BRME1: variants seen among roughly 807,000 people sequenced by gnomAD.
BRME1 encodes BRCA2 and MEILB2-associating protein 1.
In BRME1, 31 loss-of-function variants were observed where a neutral mutation model predicts 52.6. That is an observed-to-expected ratio of 0.59 (90% CI 0.44 to 0.80). BRME1 has a LOEUF of 0.80. Among genes scored for constraint, BRME1 ranks in the 30% least tolerant of loss-of-function variants. The probability of loss-of-function intolerance (pLI) is 0.00; values close to 1 mark genes in which losing one functional copy is unlikely to be tolerated. For synonymous variants in BRME1, 359 were observed against 353.6 expected (o/e 1.02, Z -0.17); for missense variants, 804 against 860.3 (o/e 0.93, Z 0.82).
In BRME1 at chr19:13,895,222, G is replaced by A. The variant is rs566988563; in HGVS notation, c.206+150C>T. 193 of 729,842 alleles carry A rather than the reference G, an allele frequency of 2.6e-4. 1 individual carries two copies. The African/African-American group carries it at 3.0e-3, about 11-fold the overall frequency. The allele number at this position is 729,842 out of a possible 1,614,324, so 45.2% of individuals were successfully genotyped here. Reference sequence around the variant, plus strand: ...ACCAGCGAGGAAAGCTAGGAGAAGCGAGATCCGAGGGCCCTGAGCTCTGGG... The same window carrying A: ...ACCAGCGAGGAAAGCTAGGAGAAGCAAGATCCGAGGGCCCTGAGCTCTGGG... On this transcript the variant is annotated intron_variant, in intron 3 of 8. Coordinates refer to ENST00000586783, the MANE Select transcript of BRME1 (RefSeq NM_001345843.2).
intron 2 of BRME1, among the ~76,000 whole-genome samples, chr19:13,895,936 G>T (rs1247068326): frequency 1.3e-5 from 2 of 152,202 alleles, no homozygotes; most frequent in Non-Finnish European, 2.9e-5. Context: ...CAATTGCGAT[G>T]TGTCTTCTTC....
At position 13,893,422 on chromosome 19, in the gene BRME1, C is replaced by T. The variant is rs550256234; in HGVS notation, c.207-199G>A. 1.8e-3 allele frequency among the ~76,000 whole-genome samples: 271 copies of T among 152,264 alleles called. 1 individual carries two copies. Among genetic ancestry groups the T allele is most frequent in the African/African-American group, 6.3e-3 (260 of 41,558 alleles). On this transcript the variant is annotated intron_variant, in intron 3 of 8. Transcript: ENST00000586783. ...ATGTGGTGGCGCACGCCTGTAATCCCAGCTACTTGGGAGGCTGAGGCAGAA... is the reference window on the plus strand; with the variant it reads ...ATGTGGTGGCGCACGCCTGTAATCCTAGCTACTTGGGAGGCTGAGGCAGAA...
rs1328226842 is a variant in BRME1 at position 13,888,346 on chromosome 19, C to T, written c.1668+842G>A. On this transcript the variant is annotated intron_variant, in intron 6 of 8. Coordinates refer to ENST00000586783, the MANE Select transcript of BRME1 (RefSeq NM_001345843.2). The surrounding 1 kb of genome is among the most constrained non-coding windows in gnomAD (Gnocchi z 4.1). ...CCTGGGTGCCAGCCTGGCCTCCTCC[C>T]CTCCCACCTGCCTCACCTCTAGCAG... The T allele has an allele frequency of 6.6e-6, 1 of 152,480 alleles. No individual in the cohort carries two copies. Among genetic ancestry groups the T allele is most frequent in the African/African-American group, 2.4e-5 (1 of 41,446 alleles). The allele number at this position is 152,480 out of a possible 1,614,324, so 9.4% of individuals were successfully genotyped here.
intron 2 of BRME1, among the ~76,000 whole-genome samples, chr19:13,901,562 G>A (rs1309217749): frequency 6.6e-6 from 1 of 151,892 alleles, no homozygotes; most frequent in Non-Finnish European, 1.5e-5. Flanking sequence ...TGCCAGGCAT[G>A]GTGGCAGGTA....
rs1422522548 is a variant in BRME1, at chr19:13,893,145, G to A, written c.285C>T (p.Ser95=). The A allele has an allele frequency of 3.1e-6, 5 of 1,596,030 alleles. No homozygotes were observed. The highest frequency in any genetic ancestry group is 4.3e-6 in the Non-Finnish European group (5 of 1,172,300). The change falls in exon 4 of 9, where the codon TCC becomes TCT. Residue 95 remains serine (S), a synonymous_variant. Transcript: ENST00000586783. ...CGAGGCCACAGGACGAGCTCACCTG[G>A]GAAGGAGGAAGGGGAGCTGGCTCCT... ...PEKEPAPLPP[S]QNSFGRFVPQ...
Position 13,882,968 on chromosome 19 carries a change from A to ACATGCGTGTGG in BRME1, c.1857-17_1857-16insCCACACGCATG. On this transcript the variant is annotated splice_polypyrimidine_tract_variant and intron_variant, in intron 8 of 8. Transcript: ENST00000586783. ...GATCAGCCGGCTGTGGGGGAAACAC[A>ACATGCGTGTGG]GGCATGCGTGTGGGGCTCAGTGGTC... is the stretch of plus-strand genomic sequence containing the variant. 2 of 1,609,864 alleles carry ACATGCGTGTGG rather than the reference A, an allele frequency of 1.2e-6. No individual in the cohort carries two copies. The highest frequency in any genetic ancestry group is 3.8e-4 in the Middle Eastern group (2 of 5,302).
Position 13,883,080 on chromosome 19 carries a change from A to G in BRME1, c.1857-128T>C. On this transcript the variant is annotated intron_variant, in intron 8 of 8. Transcript: ENST00000586783. This position sits in a 1 kb window ranked among gnomAD's most constrained non-coding sequence, Gnocchi z 4.2. ...CACACGGCTCACACACGTGCACATA[A>G]CCAGAAAGGGCCTGTTGTAGCACAG... is the stretch of plus-strand genomic sequence containing the variant. 1 of 1,219,340 alleles carries G rather than the reference A, an allele frequency of 8.2e-7. No individual in the cohort carries two copies. Among genetic ancestry groups the G allele is most frequent in the South Asian group, 1.4e-5 (1 of 70,636 alleles). The allele number at this position is 1,219,340 out of a possible 1,614,324, so 75.5% of individuals were successfully genotyped here.
At chr19:13,884,748 CACCCGCCCTAA>C (rs199932789) in intron 7 of BRME1, among the ~76,000 whole-genome samples, 1,567 of 152,328 alleles carry the variant, frequency 0.01, 26 homozygotes, top group African/African-American at 0.036. Context: ...AAGTGGGGGC[CACCCGCCCTAA>C]ACCCGCCCAT....
intron 7 of BRME1, among the ~76,000 whole-genome samples, chr19:13,884,546 C>T (rs1175725584): frequency 2.0e-5 from 3 of 150,406 alleles, no homozygotes; most frequent in African/African-American, 4.9e-5. Flanking sequence ...GAGAATCATG[C>T]GAGCCTGGGA....
chr19:13,883,462 G>GTGGGAGGGGCTT lies in BRME1; in HGVS notation c.1764-74_1764-63dup. On this transcript the variant is annotated intron_variant, in intron 7 of 8. Coordinates refer to ENST00000586783, the MANE Select transcript of BRME1 (RefSeq NM_001345843.2). This position sits in a 1 kb window ranked among gnomAD's most constrained non-coding sequence, Gnocchi z 4.2. Reference sequence around the variant, plus strand: ...CTCACTGGACTACCAGAGCTCTCCAGTGGGAGGGGCTTCCGCAGGGCCTCG... The same window carrying GTGGGAGGGGCTT: ...CTCACTGGACTACCAGAGCTCTCCAGTGGGAGGGGCTTTGGGAGGGGCTTCCGCAGGGCCTCG... 7.8e-7 allele frequency: 1 copy of GTGGGAGGGGCTT among 1,278,312 alleles called. No homozygotes were observed. Among genetic ancestry groups the GTGGGAGGGGCTT allele is most frequent in the Non-Finnish European group, 1.1e-6 (1 of 914,818 alleles). The allele number at this position is 1,278,312 out of a possible 1,614,324, so 79.2% of individuals were successfully genotyped here.
In BRME1 at chr19:13,882,797, G is replaced by A. The variant is rs762026326; in HGVS notation, c.*5C>T. 3 of 1,613,534 alleles carry A rather than the reference G, an allele frequency of 1.9e-6. No individual in the cohort carries two copies. In the African/African-American group the frequency reaches 4.0e-5, roughly 22 times the overall value. ...TGGCAAAGGAAACACAGACCTCAAA[G>A]TGGCCTACAACTCCCTCCAGGGTGG... On this transcript the variant is annotated 3_prime_UTR_variant, in exon 9 of 9. Transcript: ENST00000586783.
chr19:13,893,741 A>T (rs1034625644), intron 3 of BRME1, among the ~76,000 whole-genome samples: 6 of 151,702 alleles, frequency 4.0e-5, no homozygotes, highest in African/African-American at 1.5e-4. Flanking sequence ...ACATAGTGAG[A>T]CCCCTTTTCT....
Position 13,892,884 on chromosome 19 carries a change from A to G in BRME1, c.295T>C (p.Phe99Leu). Residue 99 changes from phenylalanine (F) to leucine (L), a missense_variant, in exon 5 of 9, where the codon TTC becomes CTC. By Grantham distance (22) the Phe-to-Leu change is conservative. Around this residue, in one of 3 missense-constraint regions of BRME1, gnomAD observed 234 missense variants for 258.1 expected, o/e 0.91. Transcript: ENST00000586783. Reference sequence around the variant, plus strand: ...GCAAACTGGGGAACAAACCTCCCGAATGAGTTCTGTAAACCGGATACAAGA... The same window carrying G: ...GCAAACTGGGGAACAAACCTCCCGAGTGAGTTCTGTAAACCGGATACAAGA... ...PAPLPPSQNS[F>L]GRFVPQFAKS... 6.2e-7 allele frequency: 1 copy of G among 1,612,944 alleles called. No homozygotes were observed.
At position 13,883,470 on chromosome 19, in the gene BRME1, G is replaced by T; in HGVS notation, c.1764-70C>A. 1 of 1,151,060 alleles carries T rather than the reference G, an allele frequency of 8.7e-7. No homozygotes were observed. Among genetic ancestry groups the T allele is most frequent in the Non-Finnish European group, 1.3e-6 (1 of 799,550 alleles). 71.3% of individuals were successfully genotyped at this position (1,151,060 alleles called of 1,614,324 possible). On this transcript the variant is annotated intron_variant, in intron 7 of 8. Transcript: ENST00000586783. The surrounding 1 kb of genome is among the most constrained non-coding windows in gnomAD (Gnocchi z 4.2). The stretch of plus-strand genomic sequence containing the variant: ...ACTACCAGAGCTCTCCAGTGGGAGG[G>T]GCTTCCGCAGGGCCTCGCGCCATCT...
chr19:13,905,000 C>T, intron 1 of BRME1, 87 bp from the exon 2 acceptor site: 1 of 1,083,802 alleles, frequency 9.2e-7, no homozygotes, highest in Non-Finnish European at 1.4e-6. Context: ...AGAGGTTACC[C>T]CTACCTCCAC....
chr19:13,889,875 G>A lies in BRME1; in HGVS notation c.981C>T (p.Ser327=), dbSNP rs374981530. ...TCCCGAGGGAGGAGCATCCCAGGCT[G>A]CTATGAGTCCCTTCCCCTTCCCTAC... ...RMGREGEGTH[S]SLGCSSLGMV... The change falls in exon 6 of 9, where the codon AGC becomes AGT. Residue 327 remains serine, a synonymous_variant. Transcript: ENST00000586783. 8.1e-6 allele frequency: 13 copies of A among 1,613,206 alleles called. No homozygotes were observed. Among genetic ancestry groups the A allele is most frequent in the Non-Finnish European group, 1.1e-5 (13 of 1,179,978 alleles).
rs770020516 is a variant in BRME1 at position 13,890,296 on chromosome 19, C to T, written c.560G>A (p.Gly187Glu). The T allele has an allele frequency of 6.2e-7, 1 of 1,610,950 alleles. No homozygotes were observed. Among genetic ancestry groups the T allele is most frequent in the South Asian group, 1.1e-5 (1 of 90,704 alleles). ...QSPVQAVPGS[G>E]DSQPDDPPDR... The stretch of plus-strand genomic sequence containing the variant: ...TGGAGGGTCATCAGGCTGAGAATCC[C>T]CACTGCCGGGCACCGCCTGCACAGG... Residue 187 changes from glycine to glutamate, a missense_variant, in exon 6 of 9, where the codon GGG (glycine) becomes GAG (glutamate). Around this residue, in one of 3 missense-constraint regions of BRME1, gnomAD observed 234 missense variants for 258.1 expected, o/e 0.91. Transcript: ENST00000586783.
chr19:13,882,556 C>A lies in BRME1; in HGVS notation c.*246G>T. 1.8e-6 allele frequency: 1 copy of A among 560,818 alleles called. No homozygotes were observed. The highest frequency in any genetic ancestry group is 3.1e-6 in the Non-Finnish European group (1 of 322,358). 34.7% of individuals were successfully genotyped at this position (560,818 alleles called of 1,614,324 possible). Reference sequence around the variant, plus strand: ...TGGCCAGCTTCCTGGAGCCCAGGCCCGCTTGAAGTCACTGGGGCTGTGGGA... The same window carrying A: ...TGGCCAGCTTCCTGGAGCCCAGGCCAGCTTGAAGTCACTGGGGCTGTGGGA... On this transcript the variant is annotated 3_prime_UTR_variant, in exon 9 of 9. Transcript: ENST00000586783.
In BRME1 at chr19:13,889,470, A is replaced by G. The variant is rs1969294084; in HGVS notation, c.1386T>C (p.Gly462=). ...PGPAQEEAEL[G]GQNLERDLEG... is the part of the protein sequence containing the mutation. Reference sequence around the variant, plus strand: ...CGAGGTCTCGTTCGAGGTTCTGGCCACCTAACTCGGCTTCCTCTTGAGCAG... The same window carrying G: ...CGAGGTCTCGTTCGAGGTTCTGGCCGCCTAACTCGGCTTCCTCTTGAGCAG... Residue 462 remains glycine, a synonymous_variant, in exon 6 of 9, where the codon GGT becomes GGC. Transcript: ENST00000586783. 1 of 1,613,782 alleles carries G rather than the reference A, an allele frequency of 6.2e-7. No individual in the cohort carries two copies. The highest frequency in any genetic ancestry group is 1.7e-5 in the Admixed American group (1 of 59,990).
Sources: gnomAD v4.1 joint callset for allele counts (sites outside exome capture counted in the v4.1 genomes callset) on GRCh38, gnomAD v4.1.1 for gene constraint, gnomAD v4.1.1 regional missense constraint, Gnocchi (gnomAD v3.1) non-coding constraint, MANE v1.5 for transcripts, NCBI Gene and HGNC (gene_info 2026-07-23, HGNC 2026-07-21) for gene names.